The following TRPM8 variants were observed in gnomAD, a reference collection of about 807,000 sequenced individuals.
TRPM8 encodes TRPM8 cationic channel.
A neutral mutation model predicts 133.7 loss-of-function variants in TRPM8; 110 were observed. The ratio of observed to expected loss-of-function variants is 0.82; its 90% CI spans 0.70 to 0.96. TRPM8 has a LOEUF of 0.96. TRPM8 is among the 40% of genes least tolerant of loss of function. The pLI, the probability that TRPM8 is intolerant of heterozygous loss-of-function variation, is 0.00. For missense variants in TRPM8, 1,291 were observed against 1,379.5 expected, an observed-to-expected ratio of 0.94 and a Z score of 1.02; for synonymous variants, 535 against 532.3, an observed-to-expected ratio of 1.01 and a Z score of -0.07.
intron 23 of TRPM8, among the ~76,000 whole-genome samples, chr2:234,007,185 GGA>G (rs1437294319): frequency 2.6e-5 from 4 of 152,124 alleles, no homozygotes; most frequent in South Asian, 2.1e-4. Context: ...CAAGGCCCTG[GGA>G]GAGAGAGAGG....
In TRPM8 at chr2:233,961,025, G is replaced by A. The variant is rs1310060155; in HGVS notation, c.1612G>A (p.Glu538Lys). ...VANFRRGFRK[E>K]DRNGRDEMDI... is the part of the protein sequence containing the mutation. ...GAACTTCCGAAGAGGCTTCCGGAAG[G>A]AAGACAGAAATGGCCGGGACGAGAT... The change falls in exon 12 of 26, where the codon GAA becomes AAA. Residue 538 changes from glutamate to lysine, a missense_variant. This residue lies in a region of TRPM8 where 963 missense variants were observed against 968.9 expected (regional missense o/e 0.99). Coordinates refer to ENST00000324695, the MANE Select transcript of TRPM8 (RefSeq NM_024080.5). 1.2e-6 allele frequency: 2 copies of A among 1,614,162 alleles called. No homozygotes were observed. The highest frequency in any genetic ancestry group is 2.2e-5 in the South Asian group (2 of 91,082).
intron 15 of TRPM8, among the ~76,000 whole-genome samples, chr2:233,969,244 C>T (rs921353299): frequency 1.3e-5 from 2 of 151,644 alleles, no homozygotes; most frequent in East Asian, 1.9e-4. Flanking sequence ...TTTGGGAGGC[C>T]GAGGCGGTGG....
At chr2:233,934,560 G>A (rs1443310096) in intron 3 of TRPM8, among the ~76,000 whole-genome samples, 1 of 152,158 alleles carries the variant, frequency 6.6e-6, no homozygotes, top group Non-Finnish European at 1.5e-5. Context: ...TCTCTAGCAG[G>A]GACCTGCCTC....
Position 233,951,222 on chromosome 2 carries a change from C to T in TRPM8, c.1140+1076C>T, listed in dbSNP as rs147609855. On this transcript the variant is annotated intron_variant, in intron 9 of 25. Transcript: ENST00000324695. The stretch of plus-strand genomic sequence containing the variant: ...TCTAGTTTGGGTGACATAGTAAGAT[C>T]CCATCTCAGCAAAAAAACAAAAACA... Among the ~76,000 whole-genome samples, 1,088 of 152,176 alleles carry T rather than the reference C, an allele frequency of 7.1e-3. 7 individuals carry two copies. Among genetic ancestry groups the T allele is most frequent in the Middle Eastern group, 0.014 (4 of 294 alleles).
chr2:234,012,437 C>G (rs990060759), intron 24 of TRPM8, among the ~76,000 whole-genome samples: 20 of 151,660 alleles, frequency 1.3e-4, no homozygotes, highest in Admixed American at 1.1e-3. Context: ...TGAGCCACCA[C>G]GCCCAGCAGT....
Position 233,926,673 on chromosome 2 carries a change from C to G in TRPM8, c.117+19C>G. On this transcript the variant is annotated intron_variant, in intron 2 of 25. Transcript: ENST00000324695. Reference sequence around the variant, plus strand: ...TGAAAGCGTAAGTCATGCGCATCACCTGTTTGAAAGGTTATCATTGTAACC... The same window carrying G: ...TGAAAGCGTAAGTCATGCGCATCACGTGTTTGAAAGGTTATCATTGTAACC... The G allele has an allele frequency of 6.3e-7, 1 of 1,580,622 alleles. No homozygotes were observed. Among genetic ancestry groups the G allele is most frequent in the South Asian group, 1.1e-5 (1 of 90,342 alleles).
Position 234,006,963 on chromosome 2 carries a change from C to T in TRPM8, c.3230+11C>T. Reference sequence around the variant, plus strand: ...CGACACCTCAGAGGAGTATGTCAGACATCCCTTTCTGCTTTGCAAGGCTCC... The same window carrying T: ...CGACACCTCAGAGGAGTATGTCAGATATCCCTTTCTGCTTTGCAAGGCTCC... On this transcript the variant is annotated intron_variant, in intron 23 of 25. Transcript: ENST00000324695. 6.2e-7 allele frequency: 1 copy of T among 1,604,522 alleles called. No individual in the cohort carries two copies. The highest frequency in any genetic ancestry group is 8.5e-7 in the Non-Finnish European group (1 of 1,171,538).
intron 2 of TRPM8, among the ~76,000 whole-genome samples, chr2:233,927,791 T>TTCCTTCCTTCCTTCCTTCCTTCCTTCC (rs1165462842): frequency 2.7e-4 from 8 of 29,614 alleles, no homozygotes; most frequent in Admixed American, 3.9e-4. Flanking sequence ...TCTTTCTTTC[T>TTCCTTCCTTCCTTCCTTCCTTCCTTCC]TTTCTTTCCT....
intron 8 of TRPM8, 82 bp from the exon 9 acceptor site, chr2:233,949,867 A>T: frequency 3.0e-6 from 4 of 1,333,168 alleles, no homozygotes; most frequent in Non-Finnish European, 3.2e-6. Flanking sequence ...TGTTTCCTCC[A>T]GCTTGGCTCA....
intron 11 of TRPM8, among the ~76,000 whole-genome samples, chr2:233,956,575 G>A (rs530164383): frequency 1.1e-4 from 17 of 152,242 alleles, no homozygotes; most frequent in African/African-American, 3.4e-4. Context: ...ATACATGTAT[G>A]TATAGATTTG....
At chr2:234,015,125 A>G (rs955318138) in intron 25 of TRPM8, among the ~76,000 whole-genome samples, 1 of 152,242 alleles carries the variant, frequency 6.6e-6, no homozygotes, top group Non-Finnish European at 1.5e-5. Context: ...TTACTAACAA[A>G]AAATGTTTTG....
intron 1 of TRPM8, 140 bp from the exon 2 acceptor site, chr2:233,926,393 A>G: frequency 1.5e-6 from 1 of 680,972 alleles, no homozygotes; most frequent in Non-Finnish European, 2.6e-6. Flanking sequence ...CACAATGACC[A>G]TGGTGGGCCG....
Position 233,989,436 on chromosome 2 carries a change from C to T in TRPM8, c.2939+3571C>T, listed in dbSNP as rs1222360050. Among the ~76,000 whole-genome samples the T allele has an allele frequency of 2.6e-5, 4 of 152,202 alleles. No individual in the cohort carries two copies. The highest frequency in any genetic ancestry group is 4.4e-5 in the Non-Finnish European group (3 of 68,032). ...CATCCCTGTCCTTGGGGAACCTCCT[C>T]GATTAGCTCCGGCTTAAACCAGAGG... On this transcript the variant is annotated intron_variant, in intron 21 of 25. Coordinates refer to ENST00000324695, the MANE Select transcript of TRPM8 (RefSeq NM_024080.5). The surrounding 1 kb of genome is among the most constrained non-coding windows in gnomAD (Gnocchi z 4.2).
chr2:233,972,556 C>A (rs1691754661), intron 17 of TRPM8, among the ~76,000 whole-genome samples: 1 of 152,222 alleles, frequency 6.6e-6, no homozygotes, highest in Admixed American at 6.5e-5. Context: ...AGCACAGGAG[C>A]CCACTGAGGG....
rs1323641097 is a variant in TRPM8, at chr2:233,943,719, G to A, written c.699+971G>A. Among the ~76,000 whole-genome samples the A allele has an allele frequency of 2.0e-5, 3 of 152,198 alleles. No homozygotes were observed. The East Asian group carries it at 5.8e-4, about 29-fold the overall frequency. ...GTAGACATATGGGGTTTTGTATCAA[G>A]TGTAGAATTTTGAAAACAACATTTC... On this transcript the variant is annotated intron_variant, in intron 6 of 25. Coordinates refer to ENST00000324695, the MANE Select transcript of TRPM8 (RefSeq NM_024080.5).
Position 233,960,912 on chromosome 2 carries a change from A to C in TRPM8, c.1499A>C (p.His500Pro). 2 of 1,614,072 alleles carry C rather than the reference A, an allele frequency of 1.2e-6. No individual in the cohort carries two copies. Among genetic ancestry groups the C allele is most frequent in the African/African-American group, 1.3e-5 (1 of 75,000 alleles). The change falls in exon 12 of 26, where the codon CAC becomes CCC. Residue 500 changes from histidine (H) to proline (P), a missense_variant. His to Pro is a moderately conservative substitution (Grantham distance 77). Coordinates refer to ENST00000324695, the MANE Select transcript of TRPM8 (RefSeq NM_024080.5). ...GTCCTCACTGAACTCTTCTCCAACCACTTCAGCACGCTTGTGTACCGGAAT... is the reference window on the plus strand; with the variant it reads ...GTCCTCACTGAACTCTTCTCCAACCCCTTCAGCACGCTTGTGTACCGGAAT... ...HDVLTELFSN[H>P]FSTLVYRNLQ...
chr2:233,937,384 A>G lies in TRPM8; in HGVS notation c.223A>G (p.Ser75Gly). The change falls in exon 4 of 26, where the codon AGC becomes GGC. Residue 75 changes from serine (S) to glycine (G), a missense_variant. Ser to Gly is a moderately conservative substitution (Grantham distance 56). Around this residue, in one of 2 missense-constraint regions of TRPM8, gnomAD observed 963 missense variants for 968.9 expected, o/e 0.99. Coordinates refer to ENST00000324695, the MANE Select transcript of TRPM8 (RefSeq NM_024080.5). ...ENVCKCGYAQSQHMEGTQINQ... is the reference protein window; with the variant it reads ...ENVCKCGYAQGQHMEGTQINQ... ...TGTGTGCAAGTGTGGCTATGCCCAG[A>G]GCCAGCACATGGAAGGCACCCAGAT... The G allele has an allele frequency of 1.2e-6, 2 of 1,614,224 alleles. No homozygotes were observed. Among genetic ancestry groups the G allele is most frequent in the Non-Finnish European group, 1.7e-6 (2 of 1,180,050 alleles).
At chr2:233,920,228 T>G (rs972781887) in intron 1 of TRPM8, among the ~76,000 whole-genome samples, 8 of 152,200 alleles carry the variant, frequency 5.3e-5, no homozygotes, top group Non-Finnish European at 1.2e-4. Flanking sequence ...ATAGGTATGG[T>G]AGGTCTATCG....
At position 233,942,556 on chromosome 2, in the gene TRPM8, C is replaced by T. The variant is rs766153504; in HGVS notation, c.527-20C>T. 5.6e-6 allele frequency: 9 copies of T among 1,614,018 alleles called. No individual in the cohort carries two copies. In the East Asian group the frequency reaches 6.7e-5, roughly 12 times the overall value. On this transcript the variant is annotated intron_variant, in intron 5 of 25. Coordinates refer to ENST00000324695, the MANE Select transcript of TRPM8 (RefSeq NM_024080.5). ...TTGCCCAGTGCCACTTGACCATTTA[C>T]TCTTCCTATTTGTTGACAGGTGCTT...
Sources: gnomAD v4.1 joint callset for allele counts (sites outside exome capture counted in the v4.1 genomes callset) on GRCh38, gnomAD v4.1.1 for gene constraint, gnomAD v4.1.1 regional missense constraint, Gnocchi (gnomAD v3.1) non-coding constraint, MANE v1.5 for transcripts, NCBI Gene and HGNC (gene_info 2026-07-23, HGNC 2026-07-21) for gene names.